CSMD1: variants seen among roughly 807,000 people sequenced by gnomAD.
CSMD1 encodes CUB and sushi domain-containing protein 1.
Under a neutral mutation model 417.5 loss-of-function variants are expected in CSMD1, and 213 were observed. That is an observed-to-expected ratio of 0.51 (90% CI 0.46 to 0.57). The LOEUF is 0.57. Ranked by LOEUF, CSMD1 falls within the 20% of genes least tolerant of loss-of-function variation. CSMD1 has a pLI of 0.00. For synonymous variants in CSMD1, 2,862 were observed against 1,736.8 expected (o/e 1.65, Z -16.11); for missense variants, 6,923 against 4,529.7 (o/e 1.53, Z -15.17).
At chr8:4,925,599 T>C (rs987792769) in intron 1 of CSMD1, among the ~76,000 whole-genome samples, 9 of 151,172 alleles carry the variant, frequency 6.0e-5, no homozygotes, top group Non-Finnish European at 8.8e-5. Context: ...CAGGCTGGAG[T>C]GCAGTGGTGC....
At chr8:3,411,430 C>G (rs923582011) in intron 12 of CSMD1, among the ~76,000 whole-genome samples, 1 of 151,750 alleles carries the variant, frequency 6.6e-6, no homozygotes, top group Non-Finnish European at 1.5e-5. Flanking sequence ...TTGTAGTCTT[C>G]TATTCCTCAT....
chr8:4,288,041 G>A (rs1444046912), intron 3 of CSMD1, among the ~76,000 whole-genome samples: 1 of 152,196 alleles, frequency 6.6e-6, no homozygotes, highest in Non-Finnish European at 1.5e-5. Context: ...TCAAAAGACA[G>A]AAAGCTAAAA....
In CSMD1 at chr8:4,788,105, G is replaced by C. The variant is rs940526547; in HGVS notation, c.86-150547C>G. ...AGTTGCTTTTGAAATCAGAAAGTCAGTGCAGGGTTGTAGTGTTGATGGGCT... is the reference window on the plus strand; with the variant it reads ...AGTTGCTTTTGAAATCAGAAAGTCACTGCAGGGTTGTAGTGTTGATGGGCT... On this transcript the variant is annotated intron_variant, in intron 1 of 69. Coordinates refer to ENST00000635120, the MANE Select transcript of CSMD1 (RefSeq NM_033225.6). 2.5e-6 allele frequency: 4 copies of C among 1,603,230 alleles called. No individual in the cohort carries two copies. The African/African-American group carries it at 5.4e-5, about 21-fold the overall frequency.
chr8:3,268,614 G>C (rs1169665387), intron 26 of CSMD1, among the ~76,000 whole-genome samples: 1 of 151,998 alleles, frequency 6.6e-6, no homozygotes. Context: ...GTTTGTCTTG[G>C]TGACTGGCAT....
At chr8:3,769,922 A>G (rs1798480705) in intron 5 of CSMD1, among the ~76,000 whole-genome samples, 1 of 152,246 alleles carries the variant, frequency 6.6e-6, no homozygotes, top group African/African-American at 2.4e-5. Context: ...CTATTGCAAT[A>G]TTGCTCTTTA....
chr8:4,113,722 G>C (rs563540965), intron 3 of CSMD1, among the ~76,000 whole-genome samples: 6 of 152,252 alleles, frequency 3.9e-5, no homozygotes, highest in African/African-American at 1.4e-4. Flanking sequence ...TCTTATAAGT[G>C]CATGAATGAG....
chr8:4,468,905 A>C (rs938766514), intron 2 of CSMD1, among the ~76,000 whole-genome samples: 23 of 151,992 alleles, frequency 1.5e-4, no homozygotes, highest in African/African-American at 4.6e-4. Context: ...TTTGGCTAAT[A>C]GGAAAGGAAT....
At chr8:3,328,836 T>C (rs957343088) in intron 23 of CSMD1, among the ~76,000 whole-genome samples, 1 of 152,240 alleles carries the variant, frequency 6.6e-6, no homozygotes, top group African/African-American at 2.4e-5. Context: ...TGATATCTTT[T>C]AAATAAAAGG....
At chr8:3,277,149 C>T (rs987821037) in intron 26 of CSMD1, among the ~76,000 whole-genome samples, 1 of 151,956 alleles carries the variant, frequency 6.6e-6, no homozygotes, top group African/African-American at 2.4e-5. Context: ...GTAGGCTTTG[C>T]CAGAGTGGAG....
chr8:4,846,474 G>A lies in CSMD1; in HGVS notation c.85+147858C>T, dbSNP rs780526928. Reference sequence around the variant, plus strand: ...GCACGGCTCTCTGTCTTGGTTGACTGAGCCTGTGACCAGCCTCCTGACAGC... The same window carrying A: ...GCACGGCTCTCTGTCTTGGTTGACTAAGCCTGTGACCAGCCTCCTGACAGC... On this transcript the variant is annotated intron_variant, in intron 1 of 69. Coordinates refer to ENST00000635120, the MANE Select transcript of CSMD1 (RefSeq NM_033225.6). Among the ~76,000 whole-genome samples the A allele has an allele frequency of 1.2e-4, 18 of 152,180 alleles. No homozygotes were observed. The South Asian group carries it at 2.1e-3, about 18-fold the overall frequency.
intron 5 of CSMD1, among the ~76,000 whole-genome samples, chr8:3,977,426 T>G (rs1363973200): frequency 6.6e-6 from 1 of 152,190 alleles, no homozygotes; most frequent in Non-Finnish European, 1.5e-5. Context: ...TTGTTCCTGT[T>G]TTTTCCATGT....
intron 23 of CSMD1, among the ~76,000 whole-genome samples, chr8:3,334,659 T>C (rs1807131356): frequency 6.6e-6 from 1 of 152,234 alleles, no homozygotes; most frequent in Non-Finnish European, 1.5e-5. Context: ...CACCTTTTAC[T>C]TATTGTGGCA....
chr8:3,085,088 T>C (rs754206011), intron 49 of CSMD1, among the ~76,000 whole-genome samples: 6 of 152,184 alleles, frequency 3.9e-5, no homozygotes, highest in Non-Finnish European at 5.9e-5. Flanking sequence ...ATTTTAAGTA[T>C]AATTTCTTCT....
intron 1 of CSMD1, among the ~76,000 whole-genome samples, chr8:4,867,783 T>A (rs557661255): frequency 6.6e-6 from 1 of 152,208 alleles, no homozygotes; most frequent in Admixed American, 6.5e-5. Context: ...AAGAGTGTTT[T>A]GATCCCTCTA....
chr8:4,368,527 G>A (rs547815812), intron 3 of CSMD1, among the ~76,000 whole-genome samples: 2 of 152,214 alleles, frequency 1.3e-5, no homozygotes, highest in East Asian at 3.9e-4. Context: ...AAATTTTTGG[G>A]AATCATTTTA....
chr8:4,186,869 GCCTGT>G (rs1798709140), intron 3 of CSMD1, among the ~76,000 whole-genome samples: 1 of 151,508 alleles, frequency 6.6e-6, no homozygotes, highest in Non-Finnish European at 1.5e-5. Flanking sequence ...GGTGTTGAGT[GCCTGT>G]AGTCCCAGCT....
At chr8:3,305,648 T>G (rs1804776588) in intron 25 of CSMD1, among the ~76,000 whole-genome samples, 1 of 152,174 alleles carries the variant, frequency 6.6e-6, no homozygotes, top group Non-Finnish European at 1.5e-5. Flanking sequence ...CCTCCAGAAC[T>G]GTTAAGAAAC....
chr8:3,981,419 C>G (rs563569461), intron 5 of CSMD1, among the ~76,000 whole-genome samples: 3 of 149,048 alleles, frequency 2.0e-5, no homozygotes, highest in African/African-American at 7.4e-5. Flanking sequence ...GATGGGTGCA[C>G]CAGGATCTCA....
chr8:4,508,104 C>A (rs1217685), intron 2 of CSMD1, among the ~76,000 whole-genome samples: 44,882 of 138,480 alleles, frequency 0.32, 7,260 homozygotes, highest in Admixed American at 0.42. Context: ...AAAAAAAAAA[C>A]CCCAAAAAAC....
Sources: gnomAD v4.1 joint callset for allele counts (sites outside exome capture counted in the v4.1 genomes callset) on GRCh38, gnomAD v4.1.1 for gene constraint, MANE v1.5 for transcripts, NCBI Gene and HGNC (gene_info 2026-07-23, HGNC 2026-07-21) for gene names.